METTL8: variants seen among roughly 807,000 people sequenced by gnomAD.
METTL8 encodes the protein tRNA N(3)-cytidine methyltransferase METTL8, mitochondrial.
Under a neutral mutation model 48.7 loss-of-function variants are expected in METTL8, and 32 were observed. That is an observed-to-expected ratio of 0.66 (90% CI 0.50 to 0.88). The LOEUF (loss-of-function observed/expected upper bound fraction) is 0.88. METTL8 is among the 40% of genes least tolerant of loss of function. METTL8 has a pLI of 0.00. For synonymous variants in METTL8, 136 were observed against 157.1 expected (o/e 0.87, Z 1.01); for missense variants, 464 against 474.4 (o/e 0.98, Z 0.20).
rs985384647 is a variant in METTL8, at chr2:171,326,095, A to T, written c.914T>A (p.Leu305Gln). The T allele has an allele frequency of 6.5e-7, 1 of 1,550,020 alleles. No individual in the cohort carries two copies. Among genetic ancestry groups the T allele is most frequent in the Non-Finnish European group, 8.7e-7 (1 of 1,146,234 alleles). Residue 305 changes from leucine (L) to glutamine (Q), a missense_variant, in exon 8 of 10, where the codon CTG becomes CAG. Transcript: ENST00000375258. Reference protein sequence around the residue: ...LSKLLKPGGMLLFRDYGRYDK... With the variant: ...LSKLLKPGGMQLFRDYGRYDK... ...ATATCTTCCATAGTCTCGAAATAAC[A>T]GCATTCCCCCAGGTTTCAGTAACTT...
intron 2 of METTL8, among the ~76,000 whole-genome samples, chr2:171,384,186 C>A (rs901951167): frequency 6.6e-6 from 1 of 152,138 alleles, no homozygotes. Flanking sequence ...CATAAAAGGT[C>A]GCATTGTATG....
At chr2:171,357,902 C>T (rs1684758448) in intron 3 of METTL8, among the ~76,000 whole-genome samples, 1 of 152,026 alleles carries the variant, frequency 6.6e-6, no homozygotes, top group South Asian at 2.1e-4. Flanking sequence ...AGCCATATTG[C>T]CCAAGTTGGT....
At chr2:171,373,307 C>A (rs577256526) in intron 2 of METTL8, among the ~76,000 whole-genome samples, 1 of 152,314 alleles carries the variant, frequency 6.6e-6, no homozygotes, top group African/African-American at 2.4e-5. Context: ...TGTTCATATC[C>A]TTTGCCCACT....
chr2:171,342,615 T>TA (rs35778397), intron 3 of METTL8, among the ~76,000 whole-genome samples: 6,156 of 147,358 alleles, frequency 0.042, 386 homozygotes, highest in African/African-American at 0.14. Flanking sequence ...TCCTTTACCT[T>TA]AAAAAAAAAA....
At chr2:171,324,525 C>T (rs1382947986) in intron 9 of METTL8, among the ~76,000 whole-genome samples, 163 bp from the exon 10 acceptor site, 1 of 152,164 alleles carries the variant, frequency 6.6e-6, no homozygotes, top group Non-Finnish European at 1.5e-5. Context: ...AAGCGAGTTT[C>T]TTCTATTTCA....
rs867960160 is a variant in METTL8, at chr2:171,381,161, G to T, written c.143+10882C>A. On this transcript the variant is annotated intron_variant, in intron 2 of 9. Coordinates refer to ENST00000375258, the MANE Select transcript of METTL8 (RefSeq NM_001321154.2). ...CTGACAAAAACCAGCAATGGGGAAA[G>T]GATTCCCTATATAAATGGTGCTGGG... 1.2e-4 allele frequency among the ~76,000 whole-genome samples: 18 copies of T among 152,252 alleles called. No homozygotes were observed. The Middle Eastern group carries it at 0.01, about 86-fold the overall frequency.
At chr2:171,424,478 T>C (rs1692197456) in intron 1 of METTL8, among the ~76,000 whole-genome samples, 1 of 152,258 alleles carries the variant, frequency 6.6e-6, no homozygotes, top group African/African-American at 2.4e-5. Context: ...GGTGTGGAGC[T>C]GCCCAAGGCC....
chr2:171,434,612 G>C (rs779151739), upstream of METTL8: 2 of 1,529,710 alleles, frequency 1.3e-6, no homozygotes, highest in Non-Finnish European at 1.7e-6. Flanking sequence ...GTGTGCAGCC[G>C]GCTGAGTCGC....
chr2:171,333,544 C>A (rs1315444278), intron 5 of METTL8, among the ~76,000 whole-genome samples: 2 of 152,202 alleles, frequency 1.3e-5, no homozygotes, highest in African/African-American at 2.4e-5. Context: ...TTATGAAAAG[C>A]TAACCAGTAC....
intron 1 of METTL8, among the ~76,000 whole-genome samples, chr2:171,432,112 A>G (rs1208832896): frequency 6.6e-6 from 1 of 152,222 alleles, no homozygotes; most frequent in African/African-American, 2.4e-5. Context: ...CCTGCGTGCA[A>G]GCCAGGAGTG....
intron 3 of METTL8, among the ~76,000 whole-genome samples, chr2:171,352,964 C>G (rs778119201): frequency 3.3e-5 from 5 of 151,588 alleles, no homozygotes; most frequent in Non-Finnish European, 7.4e-5. Flanking sequence ...GTGTCTCTAT[C>G]TCCTTCAGTT....
rs770695920 is a variant in METTL8 at position 171,339,402 on chromosome 2, A to G, written c.388T>C (p.Trp130Arg). 2.5e-6 allele frequency: 4 copies of G among 1,613,726 alleles called. No individual in the cohort carries two copies. Among genetic ancestry groups the G allele is most frequent in the South Asian group, 2.2e-5 (2 of 91,038 alleles). Residue 130 changes from tryptophan to arginine, a missense_variant, in exon 4 of 10, where the codon TGG becomes CGG. Transcript: ENST00000375258. ...KPEEKARESS[W>R]DHVKTSATNR... ...GTAGCACTAGTTTTTACATGATCCC[A>G]TGATGATTCTCTCGCCTTCTCTTCA...
intron 1 of METTL8, among the ~76,000 whole-genome samples, chr2:171,405,692 A>G (rs1008077454): frequency 2.0e-5 from 3 of 152,222 alleles, no homozygotes; most frequent in Non-Finnish European, 4.4e-5. Context: ...GATACTGAAA[A>G]AAGAAAATTG....
chr2:171,341,601 T>C (rs1686779497), intron 3 of METTL8, among the ~76,000 whole-genome samples: 1 of 151,708 alleles, frequency 6.6e-6, no homozygotes, highest in Admixed American at 6.6e-5. Flanking sequence ...GCAGTAACAA[T>C]TTCTTGAGTG....
rs76288158 is a variant in METTL8, at chr2:171,356,499, T to C, written c.235+3923A>G. Among the ~76,000 whole-genome samples the C allele has an allele frequency of 8.0e-3, 1,217 of 152,320 alleles. 14 individuals are homozygous for C. Among genetic ancestry groups the C allele is most frequent in the African/African-American group, 0.028 (1,166 of 41,580 alleles). On this transcript the variant is annotated intron_variant, in intron 3 of 9. Transcript: ENST00000375258. ...GTGAACTAGTCACCCTACTGATCTA[T>C]ATTGAACATGAGGTCTTAACCCTTC...
rs556748167 is a variant in METTL8 at position 171,405,550 on chromosome 2, A to C, written c.-12-13353T>G. Among the ~76,000 whole-genome samples, 119 of 152,346 alleles carry C rather than the reference A, an allele frequency of 7.8e-4. 1 individual carries two copies. The highest frequency in any genetic ancestry group is 6.8e-3 in the Middle Eastern group (2 of 294). On this transcript the variant is annotated intron_variant, in intron 1 of 9. Coordinates refer to ENST00000375258, the MANE Select transcript of METTL8 (RefSeq NM_001321154.2). ...TAATGAATGTAGATGACTGACAGGC[A>C]GAGGAGAGAAAAGGAGAGAAGTTGG... is the stretch of plus-strand genomic sequence containing the variant.
At chr2:171,382,557 G>C (rs1687657355) in intron 2 of METTL8, among the ~76,000 whole-genome samples, 1 of 152,044 alleles carries the variant, frequency 6.6e-6, no homozygotes, top group Non-Finnish European at 1.5e-5. Context: ...CCTGTCCAGG[G>C]GTGGAGGGCA....
intron 3 of METTL8, among the ~76,000 whole-genome samples, chr2:171,347,454 C>T (rs1307789126): frequency 2.6e-5 from 4 of 152,128 alleles, no homozygotes; most frequent in African/African-American, 9.7e-5. Flanking sequence ...AATAGGCAGC[C>T]ACATACAAAC....
chr2:171,346,552 G>C (rs769936751), intron 3 of METTL8, among the ~76,000 whole-genome samples: 38 of 152,104 alleles, frequency 2.5e-4, no homozygotes, highest in Non-Finnish European at 5.4e-4. Context: ...TGGCCAGCAT[G>C]GGAGAACAAC....
Sources: allele counts gnomAD v4.1 joint callset (sites outside exome capture counted in the v4.1 genomes callset), GRCh38; gene constraint gnomAD v4.1.1; transcripts MANE v1.5; gene names NCBI Gene and HGNC (gene_info 2026-07-23, HGNC 2026-07-21).